ASAP2: variants seen among roughly 807,000 people sequenced by gnomAD.
ASAP2 encodes the protein ArfGAP with SH3 domain, ankyrin repeat and PH domain 2, also known as arf-GAP with SH3 domain, ANK repeat and PH domain-containing protein 2.
A neutral mutation model predicts 131.4 loss-of-function variants in ASAP2; 45 were observed. That is an observed-to-expected ratio of 0.34 (90% CI 0.27 to 0.44). ASAP2 has a LOEUF of 0.44. Ranked by LOEUF, ASAP2 falls within the 20% of genes least tolerant of loss-of-function variation. The pLI, the probability that ASAP2 is intolerant of heterozygous loss-of-function variation, is 1.00. For missense variants in ASAP2, 1,011 were observed against 1,297.0 expected (o/e 0.78, Z 3.39); for synonymous variants, 510 against 503.0 (o/e 1.01, Z -0.19).
intron 1 of ASAP2, among the ~76,000 whole-genome samples, chr2:9,216,840 C>T (rs190342758): frequency 3.0e-4 from 45 of 152,196 alleles, no homozygotes; most frequent in Middle Eastern, 6.8e-3. Flanking sequence ...CTCAAGTGAT[C>T]CTCCTGCCTT....
At chr2:9,317,207 TCACATCCACA>T in intron 3 of ASAP2, among the ~76,000 whole-genome samples, 1 of 124,584 alleles carries the variant, frequency 8.0e-6, no homozygotes, top group Non-Finnish European at 1.8e-5. Flanking sequence ...TCACACCCAC[TCACATCCACA>T]CTCACACAAT....
chr2:9,266,544 C>G (rs1665962595), intron 1 of ASAP2, among the ~76,000 whole-genome samples: 1 of 152,192 alleles, frequency 6.6e-6, no homozygotes, highest in Non-Finnish European at 1.5e-5. Context: ...GCCAGCTTCC[C>G]TCACTGCTGG....
intron 15 of ASAP2, among the ~76,000 whole-genome samples, chr2:9,367,688 G>T (rs193135926): frequency 1.4e-4 from 22 of 152,278 alleles, no homozygotes. Flanking sequence ...CTGAGCCTGG[G>T]GAGGGCAAGG....
chr2:9,296,214 T>C (rs148828641), intron 2 of ASAP2, among the ~76,000 whole-genome samples: 284 of 152,354 alleles, frequency 1.9e-3, no homozygotes, highest in African/African-American at 6.6e-3. Context: ...TAGGTAGCCA[T>C]GCAGATAGAA....
At chr2:9,319,265 T>C (rs1466701488) in intron 4 of ASAP2, among the ~76,000 whole-genome samples, 1 of 152,224 alleles carries the variant, frequency 6.6e-6, no homozygotes, top group Non-Finnish European at 1.5e-5. Context: ...GACGTGATTG[T>C]GGCTGCCTTC....
intron 1 of ASAP2, among the ~76,000 whole-genome samples, chr2:9,227,903 T>C (rs1662891424): frequency 6.6e-6 from 1 of 152,232 alleles, no homozygotes; most frequent in Admixed American, 6.5e-5. Context: ...GACAGATAAC[T>C]TAGAAATATT....
Position 9,297,294 on chromosome 2 carries a change from T to C in ASAP2, c.200-6T>C. On this transcript the variant is annotated splice_region_variant and splice_polypyrimidine_tract_variant and intron_variant, in intron 2 of 27. Coordinates refer to ENST00000281419, the MANE Select transcript of ASAP2 (RefSeq NM_003887.3). ...GACTCACAGCACCTCCGTCATTCTG[T>C]TGCAGCTCACGTGGAAAATGAAGAG... The C allele has an allele frequency of 6.2e-7, 1 of 1,613,014 alleles. No homozygotes were observed. Among genetic ancestry groups the C allele is most frequent in the Non-Finnish European group, 8.5e-7 (1 of 1,179,130 alleles).
At chr2:9,213,570 G>A (rs1193425710) in intron 1 of ASAP2, among the ~76,000 whole-genome samples, 1 of 152,132 alleles carries the variant, frequency 6.6e-6, no homozygotes, top group Non-Finnish European at 1.5e-5. Context: ...GGGGTGAGGG[G>A]CTATTGCAGT....
chr2:9,246,991 T>C (rs1354693031), intron 1 of ASAP2, among the ~76,000 whole-genome samples: 1 of 152,044 alleles, frequency 6.6e-6, no homozygotes, highest in African/African-American at 2.4e-5. Flanking sequence ...CGGTATATAC[T>C]ACCACACCCA....
intron 24 of ASAP2, among the ~76,000 whole-genome samples, chr2:9,397,742 ATATATATATTTTTTT>A: frequency 1.1e-5 from 1 of 88,868 alleles, no homozygotes; most frequent in East Asian, 2.6e-4. Context: ...ATATATATAT[ATATATATATTTTTTT>A]TTTTTTTTTT....
At chr2:9,265,221 A>G (rs938581610) in intron 1 of ASAP2, among the ~76,000 whole-genome samples, 11 of 152,280 alleles carry the variant, frequency 7.2e-5, no homozygotes, top group Non-Finnish European at 1.5e-4. Context: ...TGCATTAGAT[A>G]TAAGTAATCT....
intron 5 of ASAP2, among the ~76,000 whole-genome samples, chr2:9,321,304 C>A (rs911275617): frequency 9.2e-5 from 14 of 152,126 alleles, no homozygotes; most frequent in Admixed American, 6.5e-5. Context: ...CTCCTTCTAT[C>A]CATGGGAATC....
chr2:9,220,628 G>A (rs1174401843), intron 1 of ASAP2, among the ~76,000 whole-genome samples: 1 of 152,218 alleles, frequency 6.6e-6, no homozygotes, highest in Admixed American at 6.5e-5. Flanking sequence ...TAATTTGCAA[G>A]TAATAATTTC....
chr2:9,267,897 CAAAAAAAAAAAAA>C (rs34716225), intron 1 of ASAP2, among the ~76,000 whole-genome samples: 411 of 65,018 alleles, frequency 6.3e-3, no homozygotes, highest in Non-Finnish European at 8.3e-3. Context: ...GACTCTATCT[CAAAAAAAAAAAAA>C]AAAAAAAAAA....
intron 1 of ASAP2, among the ~76,000 whole-genome samples, chr2:9,263,074 G>C (rs758940119): frequency 2.6e-5 from 4 of 152,080 alleles, no homozygotes; most frequent in Non-Finnish European, 4.4e-5. Context: ...GAGCTCGGCT[G>C]CCTTCTGCAT....
chr2:9,356,089 G>A lies in ASAP2; in HGVS notation c.1154G>A (p.Cys385Tyr), dbSNP rs1672677128. Residue 385 changes from cysteine (C) to tyrosine (Y), a missense_variant, in exon 13 of 28, where the codon TGT (cysteine) becomes TAT (tyrosine). Transcript: ENST00000281419. ...YHFQAEDEQE[C>Y]QIWMSVLQNS... ...TTTCAAGCTGAAGATGAACAGGAATGTCAAATGTAAGTTACATGGTGGTGG... is the reference window on the plus strand; with the variant it reads ...TTTCAAGCTGAAGATGAACAGGAATATCAAATGTAAGTTACATGGTGGTGG... The A allele has an allele frequency of 6.2e-7, 1 of 1,614,210 alleles. No individual in the cohort carries two copies. Among genetic ancestry groups the A allele is most frequent in the Non-Finnish European group, 8.5e-7 (1 of 1,180,046 alleles).
At chr2:9,378,150 A>G (rs1332802266) in intron 18 of ASAP2, among the ~76,000 whole-genome samples, 1 of 152,118 alleles carries the variant, frequency 6.6e-6, no homozygotes, top group East Asian at 1.9e-4. Flanking sequence ...TGAAAATGTA[A>G]TTGGTTTCCT....
At chr2:9,356,803 C>A (rs937353125) in intron 14 of ASAP2, among the ~76,000 whole-genome samples, 1 of 152,124 alleles carries the variant, frequency 6.6e-6, no homozygotes, top group South Asian at 2.1e-4. Flanking sequence ...TGTTAAACAT[C>A]GATTTTCCTG....
At chr2:9,401,646 C>T (rs1368792275) in intron 27 of ASAP2, among the ~76,000 whole-genome samples, 2 of 152,190 alleles carry the variant, frequency 1.3e-5, no homozygotes, top group African/African-American at 4.8e-5. Flanking sequence ...CTCATGAGGG[C>T]CTGAAATGAC....
Sources: allele counts gnomAD v4.1 joint callset (sites outside exome capture counted in the v4.1 genomes callset), GRCh38; gene constraint gnomAD v4.1.1; transcripts MANE v1.5; gene names NCBI Gene and HGNC (gene_info 2026-07-23, HGNC 2026-07-21).